MTNAP1: variants seen among roughly 807,000 people sequenced by gnomAD.
MTNAP1 encodes the protein mitochondrial nucleoid-associated protein 1.
At chr17:73,243,093 T>TC in the MTNAP1 span, 149 of 991,310 alleles carry the variant, frequency 1.5e-4, 1 homozygote, top group African/African-American at 2.3e-3. Flanking sequence ...TTTTTTTTTT[T>TC]TTTTTTTTAC....
At chr17:73,243,085 T>TG in the MTNAP1 span, 11 of 877,128 alleles carry the variant, frequency 1.3e-5, no homozygotes, top group African/African-American at 1.1e-4. Flanking sequence ...GAATTTTTTT[T>TG]TTTTTTTTTT....
At chr17:73,233,854 T>C in the MTNAP1 span, among the ~76,000 whole-genome samples, 2 of 148,596 alleles carry the variant, frequency 1.3e-5, no homozygotes, top group African/African-American at 2.5e-5. Flanking sequence ...GCCTGAGTGA[T>C]AGAGCAAGAC....
the MTNAP1 span, among the ~76,000 whole-genome samples, chr17:73,241,027 T>C: frequency 3.3e-5 from 5 of 152,258 alleles, no homozygotes; most frequent in Admixed American, 3.3e-4. Context: ...CTAAACCTGT[T>C]GTCGGTGTTT....
the MTNAP1 span, chr17:73,244,355 G>A: frequency 6.6e-6 from 1 of 152,098 alleles, no homozygotes; most frequent in South Asian, 2.1e-4. Flanking sequence ...CTGAGGTCAT[G>A]AGTTCAAGAC....
At chr17:73,233,477 T>G in the MTNAP1 span, among the ~76,000 whole-genome samples, 1 of 152,276 alleles carries the variant, frequency 6.6e-6, no homozygotes, top group African/African-American at 2.4e-5. Context: ...ATGGACTGGC[T>G]TCATTTGTGT....
At chr17:73,236,541 A>T in the MTNAP1 span, 2 of 1,614,216 alleles carry the variant, frequency 1.2e-6, no homozygotes, top group Non-Finnish European at 1.7e-6. Context: ...GACCACATTT[A>T]AGTTTGTTCA....
chr17:73,247,170 A>G, the MTNAP1 span: 9 of 1,384,272 alleles, frequency 6.5e-6, no homozygotes, highest in Non-Finnish European at 9.2e-6. Flanking sequence ...CAACAACAGC[A>G]AAGTCGAGTA....
chr17:73,243,041 C>CCATTCCGTTATG, the MTNAP1 span: 1 of 1,503,478 alleles, frequency 6.7e-7, no homozygotes, highest in Non-Finnish European at 9.2e-7. Flanking sequence ...ATAACAGGTC[C>CCATTCCGTTATG]CATTCCGTTA....
the MTNAP1 span, chr17:73,236,529 A>G: frequency 1.9e-6 from 3 of 1,614,216 alleles, no homozygotes; most frequent in Non-Finnish European, 1.7e-6. Context: ...CTCAAGGGGA[A>G]AGACCACATT....
chr17:73,233,846 CTGAG>C, the MTNAP1 span, among the ~76,000 whole-genome samples: 1 of 151,192 alleles, frequency 6.6e-6, no homozygotes. Context: ...GCACTCCAGC[CTGAG>C]TGATAGAGCA....
At chr17:73,234,566 C>G in the MTNAP1 span, among the ~76,000 whole-genome samples, 2 of 151,810 alleles carry the variant, frequency 1.3e-5, no homozygotes, top group African/African-American at 2.4e-5. Flanking sequence ...TGGCGCATGC[C>G]TGTAGTCCCA....
At chr17:73,236,851 C>A in the MTNAP1 span, 68,953 of 1,614,050 alleles carry the variant, frequency 0.043, 1,679 homozygotes, top group Non-Finnish European at 0.048. Context: ...GAAGACTCTT[C>A]GCAGCTGCAT....
chr17:73,239,081 T>A, the MTNAP1 span, among the ~76,000 whole-genome samples: 4 of 151,874 alleles, frequency 2.6e-5, no homozygotes, highest in African/African-American at 9.7e-5. Context: ...GGGATACAGG[T>A]ATGCGCCACC....
chr17:73,246,984 A>G, the MTNAP1 span, among the ~76,000 whole-genome samples: 4 of 152,138 alleles, frequency 2.6e-5, no homozygotes, highest in Admixed American at 1.3e-4. Flanking sequence ...GGTAGATGAG[A>G]ATGACCTTCA....
the MTNAP1 span, chr17:73,245,244 GACGAC>G: frequency 6.2e-7 from 1 of 1,608,912 alleles, no homozygotes; most frequent in East Asian, 2.2e-5. Context: ...GTACAGTGGA[GACGAC>G]TGCAATACAT....
At chr17:73,234,349 A>G in the MTNAP1 span, among the ~76,000 whole-genome samples, 36 of 152,044 alleles carry the variant, frequency 2.4e-4, no homozygotes, top group African/African-American at 8.2e-4. Flanking sequence ...TACATCGTAT[A>G]TGTTTAACAA....
At chr17:73,243,785 G>A in the MTNAP1 span, among the ~76,000 whole-genome samples, 1 of 151,600 alleles carries the variant, frequency 6.6e-6, no homozygotes, top group Non-Finnish European at 1.5e-5. Flanking sequence ...CTCCTGCCTC[G>A]GCCTCCCAAA....
At chr17:73,244,008 G>T in the MTNAP1 span, among the ~76,000 whole-genome samples, 1 of 152,206 alleles carries the variant, frequency 6.6e-6, no homozygotes, top group Non-Finnish European at 1.5e-5. Context: ...ACTTACCAAT[G>T]TGTCTAAGTC....
the MTNAP1 span, chr17:73,245,737 G>A: frequency 5.4e-5 from 53 of 984,704 alleles, no homozygotes; most frequent in South Asian, 1.6e-3. Flanking sequence ...GTAAGCCTCC[G>A]AAAAAAAGCT....
Sources: allele counts gnomAD v4.1 joint callset (sites outside exome capture counted in the v4.1 genomes callset), GRCh38; gene constraint gnomAD v4.1.1; transcripts MANE v1.5; gene names NCBI Gene and HGNC (gene_info 2026-07-23, HGNC 2026-07-21).